AKT2: variants seen among roughly 807,000 people sequenced by gnomAD.
The protein encoded by AKT2 is RAC-beta serine/threonine-protein kinase.
AKT2 carries 16 observed loss-of-function variants against 58.6 expected under a neutral mutation model. That is an observed-to-expected ratio of 0.27 (90% confidence interval 0.18 to 0.41). The LOEUF (loss-of-function observed/expected upper bound fraction) is 0.41. AKT2 is among the 10% of genes least tolerant of loss of function. The pLI is 1.00. For synonymous variants in AKT2, 253 were observed against 254.0 expected, an observed-to-expected ratio of 1.00 and a Z score of 0.04; for missense variants, 438 against 661.0, an observed-to-expected ratio of 0.66 and a Z score of 3.70.
At position 40,242,717 on chromosome 19, in the gene AKT2, G is replaced by A; in HGVS notation, c.288-30C>T. The stretch of plus-strand genomic sequence containing the variant: ...GCAGGGACACACGTGAGTCCCAGCA[G>A]CCAGGAGTCCTGGGCCTCAGAGTCG... On this transcript the variant is annotated intron_variant, in intron 4 of 13. Transcript: ENST00000392038. The surrounding 1 kb of genome is among the most constrained non-coding windows in gnomAD (Gnocchi z 4.3). 6.2e-7 allele frequency: 1 copy of A among 1,606,668 alleles called. No homozygotes were observed. Among genetic ancestry groups the A allele is most frequent in the Non-Finnish European group, 8.5e-7 (1 of 1,179,546 alleles).
rs1431514037 is a variant in AKT2, at chr19:40,265,175, G to A, written c.46+47C>T. ...CTCTCAGGGCACAGCTTTCCAGGAGGAGCCAGCGTGGGAGAAAGAATCTGG... is the reference window on the plus strand; with the variant it reads ...CTCTCAGGGCACAGCTTTCCAGGAGAAGCCAGCGTGGGAGAAAGAATCTGG... On this transcript the variant is annotated intron_variant, in intron 2 of 13. Transcript: ENST00000392038. 28 of 1,599,298 alleles carry A rather than the reference G, an allele frequency of 1.8e-5. No homozygotes were observed. The East Asian group carries it at 4.0e-4, about 23-fold the overall frequency.
intron 6 of AKT2, chr19:40,240,676 AGGAG>A (rs1478767983): frequency 4.6e-6 from 1 of 216,456 alleles, no homozygotes; most frequent in African/African-American, 2.3e-5. Flanking sequence ...CAGAACCACC[AGGAG>A]TGGTTCCAAA....
At chr19:40,249,047 G>A (rs908347983) in intron 4 of AKT2, among the ~76,000 whole-genome samples, 1 of 151,704 alleles carries the variant, frequency 6.6e-6, no homozygotes, top group Non-Finnish European at 1.5e-5. Flanking sequence ...GAGGAGTGGA[G>A]GAGATGAGGA....
chr19:40,245,593 T>C (rs1459705486), intron 4 of AKT2, among the ~76,000 whole-genome samples: 5 of 152,068 alleles, frequency 3.3e-5, no homozygotes, highest in African/African-American at 9.7e-5. Flanking sequence ...CTTGCTATCA[T>C]CAACTATCCC....
intron 1 of AKT2, among the ~76,000 whole-genome samples, chr19:40,272,524 T>A (rs906934500): frequency 6.6e-6 from 1 of 152,182 alleles, no homozygotes; most frequent in African/African-American, 2.4e-5. Flanking sequence ...CGGGATGCCT[T>A]TTCTGAAACG....
rs1457536464 is a variant in AKT2 at position 40,234,227 on chromosome 19, C to CA, written c.1367-277dup. Among the ~76,000 whole-genome samples, 1 of 152,194 alleles carries CA rather than the reference C, an allele frequency of 6.6e-6. No homozygotes were observed. Among genetic ancestry groups the CA allele is most frequent in the Non-Finnish European group, 1.5e-5 (1 of 68,014 alleles). ...CCCACCTTCTCTCTGCCCCACACAC[C>CA]ACCATGCCAGAGTCCAGCCCAGAGC... is the stretch of plus-strand genomic sequence containing the variant. On this transcript the variant is annotated intron_variant, in intron 13 of 13. Transcript: ENST00000392038. This position sits in a 1 kb window ranked among gnomAD's most constrained non-coding sequence, Gnocchi z 4.7.
intron 1 of AKT2, among the ~76,000 whole-genome samples, chr19:40,268,303 C>T (rs1187635351): frequency 2.0e-5 from 3 of 152,240 alleles, no homozygotes; most frequent in Non-Finnish European, 4.4e-5. Context: ...AATGCAGCAG[C>T]ACTAAAGTAC....
chr19:40,235,815 C>A lies in AKT2; in HGVS notation c.1175+75G>T. 6.9e-7 allele frequency: 1 copy of A among 1,451,020 alleles called. No individual in the cohort carries two copies. Among genetic ancestry groups the A allele is most frequent in the Non-Finnish European group, 9.3e-7 (1 of 1,075,948 alleles). 89.9% of individuals were successfully genotyped at this position (1,451,020 alleles called of 1,614,324 possible). A position where few individuals can be genotyped will look rare whatever the true frequency, so the allele number is the denominator to read the frequency against. ...CCCTACAAGCGAGCACCCTTGTGGACGCTGCCCCCTCCAGGCCGCAGGGAC... is the reference window on the plus strand; with the variant it reads ...CCCTACAAGCGAGCACCCTTGTGGAAGCTGCCCCCTCCAGGCCGCAGGGAC... On this transcript the variant is annotated intron_variant, in intron 11 of 13. Transcript: ENST00000392038. The surrounding 1 kb of genome is among the most constrained non-coding windows in gnomAD (Gnocchi z 6.3).
intron 1 of AKT2, among the ~76,000 whole-genome samples, chr19:40,283,755 C>A (rs536806662): frequency 1.2e-4 from 18 of 152,304 alleles, no homozygotes; most frequent in African/African-American, 3.8e-4. Context: ...CTGTCCCAAG[C>A]CCTTCAGAGC....
intron 1 of AKT2, 106 bp from the exon 2 acceptor site, chr19:40,265,457 C>T: frequency 6.9e-7 from 1 of 1,453,242 alleles, no homozygotes; most frequent in Non-Finnish European, 9.2e-7. Flanking sequence ...GCCCACTCAG[C>T]AAAGGGTAAG....
At position 40,285,306 on chromosome 19, in the gene AKT2, GCGA is replaced by G; in HGVS notation, c.-213_-211del. 1 of 395,072 alleles carries G rather than the reference GCGA, an allele frequency of 2.5e-6. No homozygotes were observed. The highest frequency in any genetic ancestry group is 4.5e-6 in the Non-Finnish European group (1 of 223,790). The allele number at this position is 395,072 out of a possible 1,614,324, so 24.5% of individuals were successfully genotyped here. ...GGCGCCGGCAGCGGCAGCGGCGGCG[GCGA>G]CGCCTCCTCCGAGGCAGGCCCAACG... On this transcript the variant is annotated 5_prime_UTR_variant, in exon 1 of 14. Coordinates refer to ENST00000392038, the MANE Select transcript of AKT2 (RefSeq NM_001626.6).
At chr19:40,247,807 A>C (rs149601364) in intron 4 of AKT2, among the ~76,000 whole-genome samples, 10 of 152,286 alleles carry the variant, frequency 6.6e-5, no homozygotes, top group Admixed American at 2.6e-4. Flanking sequence ...TAAAATGACA[A>C]GACCGAAGCA....
In AKT2 at chr19:40,237,944, G is replaced by T; in HGVS notation, c.831+25C>A. On this transcript the variant is annotated intron_variant, in intron 9 of 13. Transcript: ENST00000392038. The surrounding 1 kb of genome is among the most constrained non-coding windows in gnomAD (Gnocchi z 4.5). The stretch of plus-strand genomic sequence containing the variant: ...CATGTGGTGTGCATGCCACAGGTCA[G>T]CCTGGCGCACACCCTGCCACTAACC... 1 of 1,611,482 alleles carries T rather than the reference G, an allele frequency of 6.2e-7. No homozygotes were observed.
At chr19:40,265,080 G>A (rs1976247206) in intron 2 of AKT2, 142 bp downstream of exon 2, 6 of 1,241,262 alleles carry the variant, frequency 4.8e-6, no homozygotes, top group East Asian at 5.1e-5. Flanking sequence ...CGAAATGGGG[G>A]CATAAGCAGC....
intron 4 of AKT2, among the ~76,000 whole-genome samples, chr19:40,248,836 A>G (rs1474927306): frequency 1.2e-3 from 106 of 87,212 alleles, no homozygotes; most frequent in East Asian, 2.1e-3. Flanking sequence ...ATGAGGACAG[A>G]GAGGAGTGCA....
intron 4 of AKT2, among the ~76,000 whole-genome samples, chr19:40,245,753 T>A (rs1263634486): frequency 1.3e-5 from 2 of 152,084 alleles, no homozygotes; most frequent in Non-Finnish European, 2.9e-5. Context: ...CCATAACCCA[T>A]CTATGTCCAC....
chr19:40,243,140 C>CAAA (rs879932270), intron 4 of AKT2: 21 of 116,218 alleles, frequency 1.8e-4, no homozygotes, highest in South Asian at 7.4e-4. Context: ...GACTCCGTCT[C>CAAA]AAAAAAAAAA....
chr19:40,274,803 G>A, intron 1 of AKT2: 1 of 341,638 alleles, frequency 2.9e-6, no homozygotes, highest in South Asian at 2.3e-5. Flanking sequence ...AGAGGAAGCT[G>A]GGGACCGCTG....
intron 1 of AKT2, chr19:40,274,609 C>A (rs1299713960): frequency 5.3e-6 from 1 of 189,026 alleles, no homozygotes; most frequent in African/African-American, 2.3e-5. Flanking sequence ...CAGGGGTTTC[C>A]GACTATACAC....
Sources: allele counts gnomAD v4.1 joint callset (sites outside exome capture counted in the v4.1 genomes callset), GRCh38; gene constraint gnomAD v4.1.1; non-coding constraint Gnocchi (gnomAD v3.1); transcripts MANE v1.5; gene names NCBI Gene and HGNC (gene_info 2026-07-23, HGNC 2026-07-21).